HSD17B12: variants seen among roughly 807,000 people sequenced by gnomAD.
The protein encoded by HSD17B12 is very-long-chain 3-oxoacyl-CoA reductase.
A neutral mutation model predicts 39.3 loss-of-function variants in HSD17B12; 32 were observed. The observed-to-expected ratio is 0.81, with a 90% confidence interval of 0.61 to 1.09. HSD17B12 has a LOEUF of 1.09. Ranked by LOEUF, HSD17B12 falls within the 50% of genes least tolerant of loss-of-function variation. The pLI is 0.00. For missense variants in HSD17B12, 342 were observed against 382.9 expected, an observed-to-expected ratio of 0.89 and a Z score of 0.89; for synonymous variants, 150 against 146.7, an observed-to-expected ratio of 1.02 and a Z score of -0.16.
chr11:43,690,386 ATATATATATATATATATATTT>A lies in HSD17B12; in HGVS notation c.160+9401_160+9421del, dbSNP rs1486155304. On this transcript the variant is annotated intron_variant, in intron 1 of 10. Transcript: ENST00000278353. ...CATATATATATATATATATATATAT[ATATATATATATATATATATTT>A]TTTTTTTTTTTTTTCTGAGACAGGG... is the stretch of plus-strand genomic sequence containing the variant. Among the ~76,000 whole-genome samples, 41 of 10,308 alleles carry A rather than the reference ATATATATATATATATATATTT, an allele frequency of 4.0e-3. 4 individuals are homozygous for A. The highest frequency in any genetic ancestry group is 0.017 in the African/African-American group (39 of 2,234). 6.8% of individuals were successfully genotyped at this position (10,308 alleles called of 152,430 possible). A position where few individuals can be genotyped will look rare whatever the true frequency, so the allele number is the denominator to read the frequency against.
At chr11:43,666,967 G>T in the HSD17B12 span, among the ~76,000 whole-genome samples, 8 of 152,262 alleles carry the variant, frequency 5.3e-5, no homozygotes, top group East Asian at 1.5e-3. Flanking sequence ...TTAATAACTT[G>T]CTCTTTATTC....
At chr11:43,833,032 C>CAAAAAA (rs59191050) in intron 7 of HSD17B12, 2 of 123,606 alleles carry the variant, frequency 1.6e-5, no homozygotes, top group Non-Finnish European at 3.4e-5. Context: ...GACCCTGTCT[C>CAAAAAA]AAAAAAAAAA....
chr11:43,672,230 T>C, the HSD17B12 span, among the ~76,000 whole-genome samples: 3 of 151,852 alleles, frequency 2.0e-5, no homozygotes, highest in African/African-American at 7.3e-5. Context: ...TTTGTGTTTT[T>C]AGTAGAGGCG....
the HSD17B12 span, among the ~76,000 whole-genome samples, chr11:43,595,117 C>T: frequency 3.2e-4 from 48 of 152,290 alleles, no homozygotes; most frequent in African/African-American, 1.0e-3. Flanking sequence ...CTAGCAGCAC[C>T]GAAGCCCCTG....
At chr11:43,716,707 GATTATATATTGT>G (rs929655890) in intron 1 of HSD17B12, among the ~76,000 whole-genome samples, 1 of 147,558 alleles carries the variant, frequency 6.8e-6, no homozygotes, top group African/African-American at 2.5e-5. Flanking sequence ...AACAGGATGA[GATTATATATTGT>G]ATTATATATT....
upstream of HSD17B12, chr11:43,680,672 C>A (rs1478868801): frequency 1.4e-6 from 1 of 694,430 alleles, no homozygotes; most frequent in Non-Finnish European, 2.6e-6. Flanking sequence ...TCACCAATAG[C>A]GACACGGATA....
intron 1 of HSD17B12, among the ~76,000 whole-genome samples, chr11:43,737,990 G>C (rs1344879275): frequency 6.7e-6 from 1 of 150,112 alleles, no homozygotes; most frequent in Non-Finnish European, 1.5e-5. Flanking sequence ...GGAGAATGAT[G>C]TGAACCCGGC....
intron 1 of HSD17B12, among the ~76,000 whole-genome samples, chr11:43,722,820 G>A (rs1950187458): frequency 2.4e-5 from 3 of 123,090 alleles, no homozygotes; most frequent in South Asian, 5.9e-4. Flanking sequence ...TTGCACTCCA[G>A]CCTGGGCAAC....
intron 1 of HSD17B12, among the ~76,000 whole-genome samples, chr11:43,733,238 T>C (rs985561138): frequency 6.6e-6 from 1 of 152,230 alleles, no homozygotes; most frequent in Non-Finnish European, 1.5e-5. Flanking sequence ...TTGTATTGTA[T>C]CGTTGGGTTT....
intron 1 of HSD17B12, among the ~76,000 whole-genome samples, chr11:43,742,338 C>T (rs182201854): frequency 2.6e-4 from 40 of 151,238 alleles, no homozygotes; most frequent in Non-Finnish European, 2.5e-4. Flanking sequence ...ATTGGGGTCT[C>T]GCTATGTTGC....
At chr11:43,716,233 A>G (rs1950121636) in intron 1 of HSD17B12, among the ~76,000 whole-genome samples, 1 of 152,172 alleles carries the variant, frequency 6.6e-6, no homozygotes, top group Non-Finnish European at 1.5e-5. Context: ...ATAACAGGTG[A>G]CTGCAAAATG....
intron 1 of HSD17B12, among the ~76,000 whole-genome samples, chr11:43,717,115 A>G (rs1950130997): frequency 6.6e-6 from 1 of 152,198 alleles, no homozygotes; most frequent in African/African-American, 2.4e-5. Flanking sequence ...AGATTTAGTT[A>G]TTTGGCAAAC....
intron 1 of HSD17B12, among the ~76,000 whole-genome samples, chr11:43,684,497 C>G (rs1448000605): frequency 1.3e-5 from 2 of 152,274 alleles, no homozygotes; most frequent in East Asian, 3.9e-4. Flanking sequence ...AAAATGATTG[C>G]TATTGAAATA....
intron 7 of HSD17B12, chr11:43,833,771 T>C (rs1217948739): frequency 6.6e-6 from 1 of 152,196 alleles, no homozygotes; most frequent in African/African-American, 2.4e-5. Context: ...TGCTTCCACC[T>C]CTGATGTGGG....
chr11:43,711,347 A>G (rs962054619), intron 1 of HSD17B12, among the ~76,000 whole-genome samples: 83 of 152,216 alleles, frequency 5.5e-4, no homozygotes, highest in African/African-American at 2.0e-3. Context: ...AAGCTATTCA[A>G]AAAGCACATT....
chr11:43,656,065 T>C, the HSD17B12 span, among the ~76,000 whole-genome samples: 2 of 152,214 alleles, frequency 1.3e-5, no homozygotes, highest in Non-Finnish European at 1.5e-5. Flanking sequence ...AGCTATTAAT[T>C]ATTGCCTCAA....
At chr11:43,636,867 C>T in the HSD17B12 span, among the ~76,000 whole-genome samples, 4 of 152,060 alleles carry the variant, frequency 2.6e-5, no homozygotes, top group African/African-American at 7.2e-5. Flanking sequence ...ATCAAGTGCT[C>T]GATAATCAGA....
chr11:43,782,796 C>A (rs1950778805), intron 3 of HSD17B12, among the ~76,000 whole-genome samples: 1 of 151,756 alleles, frequency 6.6e-6, no homozygotes, highest in South Asian at 2.1e-4. Context: ...CTACAGAATA[C>A]AAAAACTTGC....
chr11:43,759,089 G>A (rs1257144534), intron 3 of HSD17B12, among the ~76,000 whole-genome samples: 1 of 152,096 alleles, frequency 6.6e-6, no homozygotes, highest in African/African-American at 2.4e-5. Context: ...TCACTCCAAT[G>A]GGTTGAACTC....
Sources: gnomAD v4.1 joint callset for allele counts (sites outside exome capture counted in the v4.1 genomes callset) on GRCh38, gnomAD v4.1.1 for gene constraint, MANE v1.5 for transcripts, NCBI Gene and HGNC (gene_info 2026-07-23, HGNC 2026-07-21) for gene names.